The following PHACTR1 variants were observed in gnomAD, a reference collection of about 807,000 sequenced individuals.
PHACTR1 encodes the protein RPEL repeat containing 1.
In PHACTR1, 16 loss-of-function variants were observed where a neutral mutation model predicts 69.2. The observed-to-expected ratio is 0.23, with a 90% confidence interval of 0.16 to 0.35. PHACTR1 has a LOEUF of 0.35. PHACTR1 is among the 10% of genes least tolerant of loss of function. The pLI is 1.00. For synonymous variants in PHACTR1, 312 were observed against 284.5 expected (o/e 1.10, Z -0.97); for missense variants, 510 against 734.7 (o/e 0.69, Z 3.54).
At chr6:12,839,227 G>A (rs1259649630) in intron 4 of PHACTR1, among the ~76,000 whole-genome samples, 2 of 152,098 alleles carry the variant, frequency 1.3e-5, no homozygotes, top group East Asian at 3.9e-4. Context: ...GGCTAACAGT[G>A]GGTCTAAATA....
intron 4 of PHACTR1, among the ~76,000 whole-genome samples, chr6:12,896,754 G>A (rs1055733913): frequency 4.6e-5 from 7 of 152,182 alleles, no homozygotes; most frequent in African/African-American, 9.7e-5. Context: ...TTGACGGTTC[G>A]TTATATGTAT....
rs139199197 is a variant in PHACTR1 at position 12,797,581 on chromosome 6, G to A, written c.250+47791G>A. 2.6e-3 allele frequency among the ~76,000 whole-genome samples: 396 copies of A among 152,268 alleles called. 4 individuals carry two copies. The highest frequency in any genetic ancestry group is 9.0e-3 in the African/African-American group (376 of 41,548). On this transcript the variant is annotated intron_variant, in intron 4 of 14. Coordinates refer to ENST00000332995, the MANE Select transcript of PHACTR1 (RefSeq NM_030948.6). ...GGAGGATAGCTGCTTTGCTGGAGGA[G>A]GTAGCCAGTACAGTGGGAGCATAGG... is the stretch of plus-strand genomic sequence containing the variant.
intron 7 of PHACTR1, among the ~76,000 whole-genome samples, chr6:13,183,764 AAAG>A (rs1185037367): frequency 2.0e-5 from 3 of 152,190 alleles, no homozygotes; most frequent in Admixed American, 2.0e-4. Context: ...GCTTTTTTAA[AAAG>A]AATCCAGACT....
intron 4 of PHACTR1, among the ~76,000 whole-genome samples, chr6:13,000,512 C>T (rs1299992340): frequency 6.6e-6 from 1 of 151,516 alleles, no homozygotes; most frequent in Admixed American, 6.6e-5. Context: ...TGCACCACTG[C>T]ACTCCAGCCT....
intron 4 of PHACTR1, among the ~76,000 whole-genome samples, chr6:12,904,215 G>A (rs1176850952): frequency 6.6e-6 from 1 of 152,018 alleles, no homozygotes; most frequent in Non-Finnish European, 1.5e-5. Flanking sequence ...CTTTCTTTTA[G>A]CATTTCCTTT....
chr6:13,132,722 G>T (rs1286651096), intron 5 of PHACTR1, among the ~76,000 whole-genome samples: 1 of 114,424 alleles, frequency 8.7e-6, no homozygotes, highest in Non-Finnish European at 2.0e-5. Context: ...TAAAAATACC[G>T]TATTGCTAAA....
intron 10 of PHACTR1, among the ~76,000 whole-genome samples, chr6:13,257,386 C>A (rs1007079679): frequency 1.3e-5 from 2 of 152,170 alleles, no homozygotes; most frequent in Non-Finnish European, 2.9e-5. Flanking sequence ...GGACACAGAT[C>A]CAAACCATAT....
intron 4 of PHACTR1, among the ~76,000 whole-genome samples, chr6:12,824,537 A>G (rs1346755237): frequency 2.0e-5 from 3 of 152,210 alleles, no homozygotes; most frequent in Non-Finnish European, 4.4e-5. Context: ...AGAGAAAAGA[A>G]AAGCCATATA....
At chr6:13,121,951 G>GTGTA (rs1258700153) in intron 5 of PHACTR1, among the ~76,000 whole-genome samples, 1 of 152,160 alleles carries the variant, frequency 6.6e-6, no homozygotes, top group African/African-American at 2.4e-5. Flanking sequence ...AAATATATAT[G>GTGTA]TGTATATGCG....
intron 3 of PHACTR1, among the ~76,000 whole-genome samples, chr6:12,738,670 C>G (rs1277530079): frequency 6.6e-6 from 1 of 152,150 alleles, no homozygotes; most frequent in Non-Finnish European, 1.5e-5. Context: ...GGAGACCAGC[C>G]TGGCCAACAT....
chr6:12,918,899 G>C (rs1033069781), intron 4 of PHACTR1, among the ~76,000 whole-genome samples: 1 of 152,154 alleles, frequency 6.6e-6, no homozygotes, highest in Admixed American at 6.5e-5. Flanking sequence ...GGTAGTCCAG[G>C]AACAAGAAAA....
chr6:12,986,622 C>T (rs1216317859), intron 4 of PHACTR1, among the ~76,000 whole-genome samples: 1 of 152,178 alleles, frequency 6.6e-6, no homozygotes, highest in Non-Finnish European at 1.5e-5. Flanking sequence ...AGCTTCCAGT[C>T]TCGTTTGGGC....
At chr6:13,207,631 T>TACATGCACC (rs1766141419) in intron 8 of PHACTR1, among the ~76,000 whole-genome samples, 1 of 152,148 alleles carries the variant, frequency 6.6e-6, no homozygotes, top group African/African-American at 2.4e-5. Flanking sequence ...GCCACCTACC[T>TACATGCACC]CACATCCAAG....
At chr6:12,758,012 T>C (rs920910964) in intron 4 of PHACTR1, among the ~76,000 whole-genome samples, 2 of 152,116 alleles carry the variant, frequency 1.3e-5, no homozygotes, top group African/African-American at 2.4e-5. Flanking sequence ...CTCTGGAGGC[T>C]GAGGCAGGAT....
chr6:13,004,269 T>C (rs1401456679), intron 4 of PHACTR1, among the ~76,000 whole-genome samples: 1 of 151,982 alleles, frequency 6.6e-6, no homozygotes, highest in South Asian at 2.1e-4. Context: ...CTCTGCATCC[T>C]CACCAACAAT....
chr6:13,179,807 T>C lies in PHACTR1; in HGVS notation c.497-2712T>C, dbSNP rs1329135242. Among the ~76,000 whole-genome samples the C allele has an allele frequency of 6.6e-6, 1 of 152,190 alleles. No individual in the cohort carries two copies. Among genetic ancestry groups the C allele is most frequent in the Non-Finnish European group, 1.5e-5 (1 of 68,030 alleles). ...ATTGCCAAAAGCTAAAATATGTGTA[T>C]GGTCTGTACATTTCTTCTAATTGTG... On this transcript the variant is annotated intron_variant, in intron 6 of 14. Coordinates refer to ENST00000332995, the MANE Select transcript of PHACTR1 (RefSeq NM_030948.6). The surrounding 1 kb of genome is among the most constrained non-coding windows in gnomAD (Gnocchi z 4.2).
intron 12 of PHACTR1, chr6:13,280,174 G>C (rs533296287): frequency 1.3e-5 from 2 of 152,252 alleles, no homozygotes; most frequent in African/African-American, 4.8e-5. Context: ...ATCTCCCTAG[G>C]GTAGGTGACA....
chr6:13,259,533 T>A (rs2127416083), intron 10 of PHACTR1, among the ~76,000 whole-genome samples: 1 of 152,344 alleles, frequency 6.6e-6, no homozygotes, highest in Admixed American at 6.5e-5. Context: ...GGTAAGGGAT[T>A]TTTTTCAAGT....
chr6:12,984,244 T>A (rs994251148), intron 4 of PHACTR1, among the ~76,000 whole-genome samples: 4 of 152,228 alleles, frequency 2.6e-5, no homozygotes, highest in African/African-American at 9.6e-5. Context: ...CCATTCTAAC[T>A]GGTATGAGAT....
Sources: allele counts gnomAD v4.1 joint callset (sites outside exome capture counted in the v4.1 genomes callset), GRCh38; gene constraint gnomAD v4.1.1; non-coding constraint Gnocchi (gnomAD v3.1); transcripts MANE v1.5; gene names NCBI Gene and HGNC (gene_info 2026-07-23, HGNC 2026-07-21).